The following LRRC24 variants were observed in gnomAD, a reference collection of about 807,000 sequenced individuals.
The protein encoded by LRRC24 is leucine-rich repeat-containing protein 24.
A neutral mutation model predicts 15.3 loss-of-function variants in LRRC24; 19 were observed. The observed-to-expected ratio is 1.25, with a 90% CI of 0.87 to 1.83. The LOEUF (loss-of-function observed/expected upper bound fraction) is 1.83. Among genes scored for constraint, LRRC24 ranks in the 40% most tolerant of loss-of-function variants. LRRC24 has a pLI of 0.00. For missense variants in LRRC24, 914 were observed against 723.9 expected (o/e 1.26, Z -3.01); for synonymous variants, 469 against 359.6 (o/e 1.30, Z -3.44).
At chr8:144,523,991 T>C in intron 4 of LRRC24, 119 bp downstream of exon 4, 2 of 1,180,072 alleles carry the variant, frequency 1.7e-6, no homozygotes, top group Non-Finnish European at 2.4e-6. Context: ...CTGCAGGCGG[T>C]GGTGCAGCCT....
intron 1 of LRRC24, chr8:144,525,722 C>T (rs1307011585): frequency 1.3e-5 from 2 of 152,150 alleles, no homozygotes; most frequent in Admixed American, 1.3e-4. Flanking sequence ...GGTTCAGGAG[C>T]CATGGGTCTG....
In LRRC24 at chr8:144,524,267, C is replaced by T. The variant is rs1175877961; in HGVS notation, c.450G>A (p.Glu150=). The T allele has an allele frequency of 1.9e-6, 3 of 1,612,104 alleles. No individual in the cohort carries two copies. Among genetic ancestry groups the T allele is most frequent in the Non-Finnish European group, 1.7e-6 (2 of 1,179,936 alleles). Residue 150 remains glutamate, a synonymous_variant, in exon 4 of 5, where the codon GAG becomes GAA. Transcript: ENST00000529415. Reference sequence around the variant, plus strand: ...CAATGCTGTTTTCTTGCAGGTGAAGCTCCTGCAGTCGCTGAAGTAAGGACA... The same window carrying T: ...CAATGCTGTTTTCTTGCAGGTGAAGTTCCTGCAGTCGCTGAAGTAAGGACA... The part of the protein sequence containing the change: ...FTFLHLPRLQ[E]LHLQENSIEL...
In LRRC24 at chr8:144,523,337, A is replaced by G. The variant is rs1161953142; in HGVS notation, c.680T>C (p.Leu227Pro). Residue 227 changes from leucine (L) to proline (P), a missense_variant, in exon 5 of 5, where the codon CTC becomes CCC. Physicochemically the swap from Leu to Pro is moderately conservative, Grantham distance 98. Transcript: ENST00000529415. ...AWIKEGGQRL[L>P]TSRDRKIMCA... Reference sequence around the variant, plus strand: ...CATGATCTTCCTGTCCCTGGAGGTGAGCAGCCGCTGGCCGCCCTCCTTGAT... The same window carrying G: ...CATGATCTTCCTGTCCCTGGAGGTGGGCAGCCGCTGGCCGCCCTCCTTGAT... 12 of 1,591,574 alleles carry G rather than the reference A, an allele frequency of 7.5e-6. No homozygotes were observed.
chr8:144,522,885 G>T lies in LRRC24; in HGVS notation c.1132C>A (p.Pro378Thr). The change falls in exon 5 of 5, where the codon CCG becomes ACG. Residue 378 changes from proline to threonine, a missense_variant. Pro to Thr is a conservative substitution (Grantham distance 38). Coordinates refer to ENST00000529415, the MANE Select transcript of LRRC24 (RefSeq NM_001024678.4). ...TCGCTGCCGGCGGGGCGGGCGGCCGGAGGCGGCGGTTGCGCGGGCTGCTGC... is the reference window on the plus strand; with the variant it reads ...TCGCTGCCGGCGGGGCGGGCGGCCGTAGGCGGCGGTTGCGCGGGCTGCTGC... ...QPQQPAQPPP[P>T]AARPAGSEPR... 1 of 1,273,490 alleles carries T rather than the reference G, an allele frequency of 7.9e-7. No individual in the cohort carries two copies. Among genetic ancestry groups the T allele is most frequent in the South Asian group, 3.1e-5 (1 of 32,448 alleles). The allele number at this position is 1,273,490 out of a possible 1,614,324, so 78.9% of individuals were successfully genotyped here.
rs369669808 is a variant in LRRC24, at chr8:144,525,018, G to T, written c.-44C>A. 7.2e-7 allele frequency: 1 copy of T among 1,395,142 alleles called. No homozygotes were observed. Among genetic ancestry groups the T allele is most frequent in the Admixed American group, 3.1e-5 (1 of 32,056 alleles). The allele number at this position is 1,395,142 out of a possible 1,614,324, so 86.4% of individuals were successfully genotyped here. A position where few individuals can be genotyped will look rare whatever the true frequency, so the allele number is the denominator to read the frequency against. ...TCACCGGCCCTTCCGCGGTTCAGCC[G>T]CAGACGCGTGCCCTCCTGAAACACA... On this transcript the variant is annotated 5_prime_UTR_variant, in exon 2 of 5. Transcript: ENST00000529415.
chr8:144,524,999 G>T lies in LRRC24; in HGVS notation c.-25C>A. 7.0e-7 allele frequency: 1 copy of T among 1,425,204 alleles called. No individual in the cohort carries two copies. Among genetic ancestry groups the T allele is most frequent in the South Asian group, 1.5e-5 (1 of 68,766 alleles). The allele number at this position is 1,425,204 out of a possible 1,614,324, so 88.3% of individuals were successfully genotyped here. A position where few individuals can be genotyped will look rare whatever the true frequency, so the allele number is the denominator to read the frequency against. On this transcript the variant is annotated 5_prime_UTR_variant, in exon 2 of 5. Transcript: ENST00000529415. ...TCTCCCGAGGCCCGGTTCCTCACCGGCCCTTCCGCGGTTCAGCCGCAGACG... is the reference window on the plus strand; with the variant it reads ...TCTCCCGAGGCCCGGTTCCTCACCGTCCCTTCCGCGGTTCAGCCGCAGACG...
intron 2 of LRRC24, 38 bp from the exon 3 acceptor site, chr8:144,524,757 C>T (rs1416439606): frequency 2.1e-6 from 3 of 1,433,336 alleles, no homozygotes; most frequent in South Asian, 2.9e-5. Context: ...TACCCCGTTG[C>T]GGGGGTCTTC....
At chr8:144,523,852 A>C (rs1261115472) in intron 4 of LRRC24, 5 of 493,394 alleles carry the variant, frequency 1.0e-5, no homozygotes, top group Non-Finnish European at 1.1e-5. Flanking sequence ...GCCTCCCCTC[A>C]GCCTAAAAGT....
At chr8:144,525,627 G>A (rs1022898857) in intron 1 of LRRC24, 2 of 152,232 alleles carry the variant, frequency 1.3e-5, no homozygotes, top group African/African-American at 4.8e-5. Context: ...CTGGCCTAGG[G>A]GTGGGACCAG....
chr8:144,524,208 G>A lies in LRRC24; in HGVS notation c.509C>T (p.Ser170Phe). Residue 170 changes from serine (S) to phenylalanine (F), a missense_variant, in exon 4 of 5, where the codon TCC becomes TTC. By Grantham distance (155) the Ser-to-Phe change is radical. Transcript: ENST00000529415. ...GCTGAGGTCCAGCAGTGCTAGGGAG[G>A]ACAGCCCCGCTAGAGCCTGGTCCTC... ...LLEDQALAGL[S>F]SLALLDLSRN... 6.2e-7 allele frequency: 1 copy of A among 1,612,610 alleles called. No homozygotes were observed. Among genetic ancestry groups the A allele is most frequent in the Non-Finnish European group, 8.5e-7 (1 of 1,179,904 alleles).
rs769042393 is a variant in LRRC24 at position 144,523,326 on chromosome 8, C to T, written c.691G>A (p.Asp231Asn). The T allele has an allele frequency of 5.4e-5, 87 of 1,598,846 alleles. No homozygotes were observed. Among genetic ancestry groups the T allele is most frequent in the Middle Eastern group, 3.3e-4 (2 of 6,032 alleles). The change falls in exon 5 of 5, where the codon GAC (aspartate) becomes AAC (asparagine). Residue 231 changes from aspartate to asparagine, a missense_variant. By Grantham distance (23) the Asp-to-Asn change is conservative. Transcript: ENST00000529415. ...GGCTCTGCACACATGATCTTCCTGTCCCTGGAGGTGAGCAGCCGCTGGCCG... is the reference window on the plus strand; with the variant it reads ...GGCTCTGCACACATGATCTTCCTGTTCCTGGAGGTGAGCAGCCGCTGGCCG... ...EGGQRLLTSR[D>N]RKIMCAEPPR...
chr8:144,525,236 T>C (rs1816321022), intron 1 of LRRC24: 1 of 348,404 alleles, frequency 2.9e-6, no homozygotes, highest in Admixed American at 4.8e-5. Context: ...GTGTCCTCAG[T>C]GTCTTCACAG....
In LRRC24 at chr8:144,524,724, A is replaced by G. The variant is rs1274005509; in HGVS notation, c.160-5T>C. ...GTTGTCCTGCAGGAACAGTGTCTGC[A>G]GGCCGGGGAAAGAGGAGGCGCTTAC... is the stretch of plus-strand genomic sequence containing the variant. On this transcript the variant is annotated splice_polypyrimidine_tract_variant and splice_region_variant and intron_variant, in intron 2 of 4. Coordinates refer to ENST00000529415, the MANE Select transcript of LRRC24 (RefSeq NM_001024678.4). 1 of 1,445,886 alleles carries G rather than the reference A, an allele frequency of 6.9e-7. No homozygotes were observed. The highest frequency in any genetic ancestry group is 2.6e-5 in the East Asian group (1 of 38,316). The allele number at this position is 1,445,886 out of a possible 1,614,324, so 89.6% of individuals were successfully genotyped here. A position where few individuals can be genotyped will look rare whatever the true frequency, so the allele number is the denominator to read the frequency against.
At chr8:144,524,311 G>C (rs1210454505) in intron 3 of LRRC24, 33 bp from the exon 4 acceptor site, 1 of 1,605,950 alleles carries the variant, frequency 6.2e-7, no homozygotes. Context: ...TGAGGAAAAA[G>C]GGCGCCGAGG....
In LRRC24 at chr8:144,524,119, G is replaced by T. The variant is rs1202461385; in HGVS notation, c.598C>A (p.Arg200Ser). The T allele has an allele frequency of 1.9e-6, 3 of 1,600,620 alleles. No homozygotes were observed. Among genetic ancestry groups the T allele is most frequent in the South Asian group, 2.2e-5 (2 of 90,854 alleles). ...LQPLASLQVL[R>S]LTENPWRCDC... is the part of the protein sequence containing the mutation. ...TCCGAGGAAGAGGTACCTGTGAGGC[G>T]CAGGACTTGCAGACTGGCCAGGGGC... Residue 200 changes from arginine (R) to serine (S), a missense_variant, in exon 4 of 5, where the codon CGC (arginine) becomes AGC (serine). Arg to Ser is a moderately radical substitution (Grantham distance 110). Transcript: ENST00000529415.
In LRRC24 at chr8:144,525,018, G is replaced by C. The variant is rs369669808; in HGVS notation, c.-44C>G. 6 of 1,395,142 alleles carry C rather than the reference G, an allele frequency of 4.3e-6. No homozygotes were observed. The highest frequency in any genetic ancestry group is 2.8e-5 in the East Asian group (1 of 35,754). The allele number at this position is 1,395,142 out of a possible 1,614,324, so 86.4% of individuals were successfully genotyped here. A position where few individuals can be genotyped will look rare whatever the true frequency, so the allele number is the denominator to read the frequency against. ...TCACCGGCCCTTCCGCGGTTCAGCC[G>C]CAGACGCGTGCCCTCCTGAAACACA... On this transcript the variant is annotated 5_prime_UTR_variant, in exon 2 of 5. Transcript: ENST00000529415.
chr8:144,522,573 CG>C lies in LRRC24; in HGVS notation c.1443del (p.Glu482ArgfsTer?). On this transcript the variant is annotated frameshift_variant, in exon 5 of 5. Coordinates refer to ENST00000529415, the MANE Select transcript of LRRC24 (RefSeq NM_001024678.4). LOFTEE classifies it low-confidence loss of function (END_TRUNC). Reference protein sequence around the residue: ...FVINRSKPLFAEGPAEAPADC... With the variant: ...FVINRSKPLFXEGPAEAPADC... ...TCAGCGGGCGCCTCCGCCGGACCCT[CG>C]GCGAAGAGCGGCTTGGAGCGGTTGA... 6.4e-7 allele frequency: 1 copy of C among 1,553,966 alleles called. No individual in the cohort carries two copies. Among genetic ancestry groups the C allele is most frequent in the Non-Finnish European group, 8.7e-7 (1 of 1,152,274 alleles).
intron 1 of LRRC24, 81 bp from the exon 2 acceptor site, chr8:144,525,114 CTT>C (rs984445554): frequency 1.1e-6 from 1 of 915,290 alleles, no homozygotes; most frequent in African/African-American, 1.7e-5. Context: ...CTGCGTCTAA[CTT>C]TTGACGCTAT....
Position 144,522,941 on chromosome 8 carries a change from C to T in LRRC24, c.1076G>A (p.Arg359Gln), listed in dbSNP as rs750603555. 5.8e-6 allele frequency: 9 copies of T among 1,557,590 alleles called. No homozygotes were observed. Among genetic ancestry groups the T allele is most frequent in the Admixed American group, 5.4e-5 (3 of 55,288 alleles). Residue 359 changes from arginine (R) to glutamine (Q), a missense_variant, in exon 5 of 5, where the codon CGG (arginine) becomes CAG (glutamine). Arg to Gln is a conservative substitution (Grantham distance 43). Transcript: ENST00000529415. ...NAGGAARVPF[R>Q]LLVNASRQQP... ...CTGCCGGGACGCGTTGACCAGGAGC[C>T]GGAAGGGCACGCGGGCAGCGCCGCC...
Sources: allele counts gnomAD v4.1 joint callset, GRCh38; gene constraint gnomAD v4.1.1; transcripts MANE v1.5; gene names NCBI Gene and HGNC (gene_info 2026-07-23, HGNC 2026-07-21).